Variants in DGKH observed in about 807,000 individuals in gnomAD.
DGKH encodes the protein DAG kinase eta.
Under a neutral mutation model 159.3 loss-of-function variants are expected in DGKH, and 90 were observed. The observed-to-expected ratio is 0.57, with a 90% confidence interval of 0.48 to 0.67. The LOEUF (loss-of-function observed/expected upper bound fraction) is 0.67, where lower values mean the gene tolerates loss of function less well. DGKH is among the 30% of genes least tolerant of loss of function. DGKH has a pLI of 0.00. For missense variants in DGKH, 1,181 were observed against 1,506.1 expected (o/e 0.78, Z 3.57); for synonymous variants, 536 against 553.8 (o/e 0.97, Z 0.45).
intron 1 of DGKH, among the ~76,000 whole-genome samples, chr13:42,093,611 T>C (rs754816473): frequency 9.2e-5 from 14 of 152,164 alleles, no homozygotes; most frequent in Non-Finnish European, 1.5e-4. Flanking sequence ...ACAACGCAAG[T>C]GCCAATAAAC....
rs1167088780 is a variant in DGKH at position 42,239,696 on chromosome 13, T to C, written c.*10508T>C. Reference sequence around the variant, plus strand: ...GCAACTAGTTTTTCTACTTTCACTCTTTCCCACCAGAGTGGTCTCTCTAAA... The same window carrying C: ...GCAACTAGTTTTTCTACTTTCACTCCTTCCCACCAGAGTGGTCTCTCTAAA... On this transcript the variant is annotated 3_prime_UTR_variant, in exon 30 of 30. Coordinates refer to ENST00000337343, the MANE Select transcript of DGKH (RefSeq NM_178009.5). 6.6e-6 allele frequency: 1 copy of C among 152,640 alleles called. No homozygotes were observed. Among genetic ancestry groups the C allele is most frequent in the African/African-American group, 2.4e-5 (1 of 41,466 alleles). The allele number at this position is 152,640 out of a possible 1,614,324, so 9.5% of individuals were successfully genotyped here.
intron 1 of DGKH, among the ~76,000 whole-genome samples, chr13:42,122,046 A>G (rs765797605): frequency 2.7e-4 from 41 of 152,254 alleles, no homozygotes; most frequent in Non-Finnish European, 3.8e-4. Context: ...CACTACCCCA[A>G]TTAGGTTCTT....
exon 1 of DGKH, chr13:42,040,097 T>G (rs1401754836): frequency 1.3e-5 from 2 of 152,200 alleles, no homozygotes; most frequent in African/African-American, 2.4e-5. Flanking sequence ...GTAGCTGGAG[T>G]GCGGCTGAGT....
Position 42,234,357 on chromosome 13 carries a change from G to A in DGKH, c.*5169G>A, listed in dbSNP as rs1301334767. The A allele has an allele frequency of 6.6e-6, 1 of 152,138 alleles. No homozygotes were observed. The highest frequency in any genetic ancestry group is 2.4e-5 in the African/African-American group (1 of 41,430). 9.4% of individuals were successfully genotyped at this position (152,138 alleles called of 1,614,324 possible). A position where few individuals can be genotyped will look rare whatever the true frequency, so the allele number is the denominator to read the frequency against. On this transcript the variant is annotated 3_prime_UTR_variant, in exon 30 of 30. Coordinates refer to ENST00000337343, the MANE Select transcript of DGKH (RefSeq NM_178009.5). Reference sequence around the variant, plus strand: ...CAGAGCTATGACTTAGAAAGTTATAGGGGCTGCCACTATACAGCACTTCTA... The same window carrying A: ...CAGAGCTATGACTTAGAAAGTTATAAGGGCTGCCACTATACAGCACTTCTA...
chr13:42,142,676 C>G (rs1277407578), intron 3 of DGKH, among the ~76,000 whole-genome samples: 3 of 152,032 alleles, frequency 2.0e-5, no homozygotes, highest in African/African-American at 7.3e-5. Flanking sequence ...TGGGAGTTCA[C>G]TCATGATTTG....
At chr13:42,152,465 A>G (rs887376062) in intron 3 of DGKH, among the ~76,000 whole-genome samples, 69 of 150,368 alleles carry the variant, frequency 4.6e-4, no homozygotes, top group African/African-American at 1.5e-3. Flanking sequence ...ACACATATAT[A>G]TACATACACA....
intron 12 of DGKH, among the ~76,000 whole-genome samples, chr13:42,175,715 C>T (rs1316503462): frequency 6.6e-6 from 1 of 152,056 alleles, no homozygotes; most frequent in East Asian, 1.9e-4. Context: ...ACTTTTGTAA[C>T]AAAGGGATAG....
In DGKH at chr13:42,207,062, C is replaced by CTTTCTTTCTTTCTTTCTTTCTTTCT. The variant is rs1555276050; in HGVS notation, c.2601+918_2601+919insTCTTTCTTTCTTTCTTTCTTTCTTT. On this transcript the variant is annotated intron_variant, in intron 21 of 29. Transcript: ENST00000337343. ...CTTTCCTTCTTTCCTTCTTTCCTTCCTTCTTTCTTTCTTTCTTTCTTTCTT... is the reference window on the plus strand; with the variant it reads ...CTTTCCTTCTTTCCTTCTTTCCTTCCTTTCTTTCTTTCTTTCTTTCTTTCTTTCTTTCTTTCTTTCTTTCTTTCTT... Among the ~76,000 whole-genome samples, 7 of 65,340 alleles carry CTTTCTTTCTTTCTTTCTTTCTTTCT rather than the reference C, an allele frequency of 1.1e-4. 1 individual carries two copies. Among genetic ancestry groups the CTTTCTTTCTTTCTTTCTTTCTTTCT allele is most frequent in the African/African-American group, 1.4e-4 (2 of 13,920 alleles). 42.9% of individuals were successfully genotyped at this position (65,340 alleles called of 152,430 possible). A position where few individuals can be genotyped will look rare whatever the true frequency, so the allele number is the denominator to read the frequency against.
At chr13:42,197,735 G>T (rs7999553) in intron 17 of DGKH, among the ~76,000 whole-genome samples, 122,330 of 152,074 alleles carry the variant, frequency 0.8, 49,845 homozygotes, top group Non-Finnish European at 0.87. Context: ...TAAAAAGAAA[G>T]AACTTGTTTT....
At chr13:42,050,082 C>T (rs906027111) in intron 1 of DGKH, among the ~76,000 whole-genome samples, 1 of 152,130 alleles carries the variant, frequency 6.6e-6, no homozygotes, top group African/African-American at 2.4e-5. Flanking sequence ...TATTCAGTGC[C>T]TGTGGAGGCC....
intron 13 of DGKH, among the ~76,000 whole-genome samples, chr13:42,185,077 T>A (rs1312291733): frequency 1.3e-5 from 2 of 152,140 alleles, no homozygotes; most frequent in Non-Finnish European, 2.9e-5. Context: ...AGTAAATACA[T>A]CTTAAGATTG....
rs752357617 is a variant in DGKH, at chr13:42,199,820, A to G, written c.2404A>G (p.Thr802Ala). The G allele has an allele frequency of 1.3e-6, 2 of 1,599,800 alleles. No homozygotes were observed. Among genetic ancestry groups the G allele is most frequent in the Non-Finnish European group, 1.7e-6 (2 of 1,176,406 alleles). The stretch of plus-strand genomic sequence containing the variant: ...GCCAATATTTATTTTCAGGAGCCGA[A>G]CTAAAAACTTGATGTGGTATGGAGT... ...EEHPEKCRSR[T>A]KNLMWYGVLG... The change falls in exon 20 of 30, where the codon ACT becomes GCT. Residue 802 changes from threonine to alanine, a missense_variant. By Grantham distance (58) the Thr-to-Ala change is moderately conservative. Around this residue, in one of 5 missense-constraint regions of DGKH, gnomAD observed 335 missense variants for 495.2 expected, o/e 0.68. Coordinates refer to ENST00000337343, the MANE Select transcript of DGKH (RefSeq NM_178009.5).
At chr13:42,043,100 C>T (rs1196794850) in intron 1 of DGKH, among the ~76,000 whole-genome samples, 1 of 152,122 alleles carries the variant, frequency 6.6e-6, no homozygotes, top group East Asian at 1.9e-4. Context: ...TCAGCAATCC[C>T]TTTAAGAATC....
chr13:42,061,834 A>G (rs1298252047), intron 1 of DGKH, among the ~76,000 whole-genome samples: 3 of 152,258 alleles, frequency 2.0e-5, no homozygotes, highest in African/African-American at 4.8e-5. Context: ...GTAAAAGAAC[A>G]TAAAAGCCCT....
chr13:42,054,639 TC>T (rs1172742884), intron 1 of DGKH, among the ~76,000 whole-genome samples: 2 of 152,202 alleles, frequency 1.3e-5, no homozygotes, highest in African/African-American at 4.8e-5. Flanking sequence ...GAGAATAAGT[TC>T]TTATTCTGGA....
In DGKH at chr13:42,207,137, CCTTCCTTCCTTCCTTCCTTCCTTCCT is replaced by C. The variant is rs1957522296; in HGVS notation, c.2601+992_2601+1017del. ...TCTCTTTCTCTCTCCTTCCTTCCTT[CCTTCCTTCCTTCCTTCCTTCCTTCCT>C]TCCTTCCTTCCTTCCTTCCTTCCTT... On this transcript the variant is annotated intron_variant, in intron 21 of 29. Transcript: ENST00000337343. Among the ~76,000 whole-genome samples, 104 of 33,934 alleles carry C rather than the reference CCTTCCTTCCTTCCTTCCTTCCTTCCT, an allele frequency of 3.1e-3. 4 individuals are homozygous for C. Among genetic ancestry groups the C allele is most frequent in the African/African-American group, 9.5e-3 (94 of 9,926 alleles). The allele number at this position is 33,934 out of a possible 152,430, so 22.3% of individuals were successfully genotyped here. A position where few individuals can be genotyped will look rare whatever the true frequency, so the allele number is the denominator to read the frequency against.
intron 13 of DGKH, chr13:42,181,729 C>A: frequency 1.3e-6 from 1 of 772,394 alleles, no homozygotes; most frequent in Non-Finnish European, 1.9e-6. Flanking sequence ...CCCACAGCCA[C>A]GCCAGCTGCA....
At chr13:42,072,798 G>A (rs983626267) in intron 1 of DGKH, among the ~76,000 whole-genome samples, 4 of 152,126 alleles carry the variant, frequency 2.6e-5, no homozygotes, top group African/African-American at 9.7e-5. Flanking sequence ...CCTCACCTCA[G>A]AGGTCACCTT....
chr13:42,153,322 A>C lies in DGKH; in HGVS notation c.385-1969A>C, dbSNP rs1955963751. ...TTCACAATGACTTTACAAGACATTT[A>C]ATGTAAAGGCACTAAAGACAGTTAA... On this transcript the variant is annotated intron_variant, in intron 3 of 29. Coordinates refer to ENST00000337343, the MANE Select transcript of DGKH (RefSeq NM_178009.5). 2.6e-5 allele frequency among the ~76,000 whole-genome samples: 4 copies of C among 152,214 alleles called. No homozygotes were observed. In the South Asian group the frequency reaches 8.3e-4, roughly 31 times the overall value.
Sources: allele counts gnomAD v4.1 joint callset (sites outside exome capture counted in the v4.1 genomes callset), GRCh38; gene constraint gnomAD v4.1.1; regional missense constraint gnomAD v4.1.1; transcripts MANE v1.5; gene names NCBI Gene and HGNC (gene_info 2026-07-23, HGNC 2026-07-21).